RBM38: variants seen among roughly 807,000 people sequenced by gnomAD.
The protein encoded by RBM38 is RNA-binding protein 38.
Under a neutral mutation model 23.5 loss-of-function variants are expected in RBM38, and 11 were observed. The observed-to-expected ratio is 0.47, with a 90% CI of 0.29 to 0.77. The LOEUF (loss-of-function observed/expected upper bound fraction) is 0.77, where lower values mean the gene tolerates loss of function less well. Among genes scored for constraint, RBM38 ranks in the 30% least tolerant of loss-of-function variants. The pLI is 0.08. For missense variants in RBM38, 330 were observed against 351.9 expected (o/e 0.94, Z 0.50); for synonymous variants, 165 against 166.1 (o/e 0.99, Z 0.05).
At chr20:57,403,323 C>G (rs1159038702) in intron 3 of RBM38, among the ~76,000 whole-genome samples, 1 of 152,202 alleles carries the variant, frequency 6.6e-6, no homozygotes, top group African/African-American at 2.4e-5. Flanking sequence ...GGGCGAGGCG[C>G]AACCCTAGGA....
chr20:57,401,678 C>T (rs956496930), intron 3 of RBM38, among the ~76,000 whole-genome samples: 3 of 152,142 alleles, frequency 2.0e-5, no homozygotes, highest in Admixed American at 6.5e-5. Flanking sequence ...CTGGGTGGAC[C>T]CCTGAGGGGT....
chr20:57,401,832 G>C (rs1036421903), intron 3 of RBM38, among the ~76,000 whole-genome samples: 2 of 152,158 alleles, frequency 1.3e-5, no homozygotes, highest in East Asian at 3.8e-4. Flanking sequence ...AGTTAGAAGA[G>C]GTAGGTTGAG....
chr20:57,392,493 G>A, intron 1 of RBM38, 161 bp from the exon 2 acceptor site: 1 of 1,534,622 alleles, frequency 6.5e-7, no homozygotes, highest in South Asian at 1.2e-5. Flanking sequence ...AGAGCCCCAG[G>A]TAGGGTTCAG....
At chr20:57,400,172 G>C (rs553556803) in intron 3 of RBM38, among the ~76,000 whole-genome samples, 19 of 152,324 alleles carry the variant, frequency 1.2e-4, no homozygotes, top group African/African-American at 4.3e-4. Context: ...CTGAGTGATG[G>C]TCCATGCGAC....
chr20:57,392,560 G>C, intron 1 of RBM38, 94 bp from the exon 2 acceptor site: 1 of 1,517,238 alleles, frequency 6.6e-7, no homozygotes, highest in Non-Finnish European at 8.9e-7. Flanking sequence ...AGGGAAGAGA[G>C]GGGTGGCAGC....
At position 57,404,423 on chromosome 20, in the gene RBM38, ATAGCCTCCT is replaced by A. The variant is rs538455478; in HGVS notation, c.417-3119_417-3111del. On this transcript the variant is annotated intron_variant, in intron 3 of 3. Transcript: ENST00000356208. ...GAAGGTGTGTGGGTTCAAAGCTTCC[ATAGCCTCCT>A]ACTAAGGAATGTTTTCGAGGTTCTG... Among the ~76,000 whole-genome samples the A allele has an allele frequency of 2.4e-3, 366 of 152,366 alleles. 2 individuals carry two copies. The highest frequency in any genetic ancestry group is 4.1e-3 in the Non-Finnish European group (281 of 68,040).
Position 57,408,833 on chromosome 20 carries a change from A to G in RBM38, c.*987A>G, listed in dbSNP as rs2067415819. 1 of 150,964 alleles carries G rather than the reference A, an allele frequency of 6.6e-6. No individual in the cohort carries two copies. The highest frequency in any genetic ancestry group is 1.5e-5 in the Non-Finnish European group (1 of 67,588). The allele number at this position is 150,964 out of a possible 1,614,324, so 9.4% of individuals were successfully genotyped here. On this transcript the variant is annotated 3_prime_UTR_variant, in exon 4 of 4. Coordinates refer to ENST00000356208, the MANE Select transcript of RBM38 (RefSeq NM_017495.6). ...CTCCTCTCCCTTCCCTTCCTCCCCA[A>G]CTCCCCAAACACTGTGGAAGGGGAG...
chr20:57,395,747 G>T (rs982575841), intron 3 of RBM38, among the ~76,000 whole-genome samples: 5 of 152,144 alleles, frequency 3.3e-5, no homozygotes, highest in African/African-American at 1.2e-4. Flanking sequence ...CCCAGCCCCC[G>T]CCCGCTGACG....
chr20:57,392,928 C>T (rs537573446), intron 2 of RBM38, 151 bp downstream of exon 2: 8 of 1,063,922 alleles, frequency 7.5e-6, no homozygotes, highest in African/African-American at 1.6e-5. Flanking sequence ...GCCATCCCCC[C>T]CTCGAGGATC....
Position 57,408,320 on chromosome 20 carries a change from G to A in RBM38, c.*474G>A, listed in dbSNP as rs2146224925. The A allele has an allele frequency of 5.5e-6, 1 of 181,286 alleles. No homozygotes were observed. The highest frequency in any genetic ancestry group is 1.2e-4 in the South Asian group (1 of 8,124). 11.2% of individuals were successfully genotyped at this position (181,286 alleles called of 1,614,324 possible). On this transcript the variant is annotated 3_prime_UTR_variant, in exon 4 of 4. Transcript: ENST00000356208. The stretch of plus-strand genomic sequence containing the variant: ...TATTGTAACTTGATCCTCCCGAGCT[G>A]TGAGCGCAGTCTGAGGTGTGAGGAC...
chr20:57,399,206 C>T (rs1456840251), intron 3 of RBM38, among the ~76,000 whole-genome samples: 1 of 152,154 alleles, frequency 6.6e-6, no homozygotes, highest in Non-Finnish European at 1.5e-5. Context: ...ACTTTGATGA[C>T]CCAGGGAGGC....
intron 3 of RBM38, among the ~76,000 whole-genome samples, chr20:57,394,452 T>C (rs1352620716): frequency 2.6e-5 from 4 of 152,174 alleles, no homozygotes; most frequent in African/African-American, 7.2e-5. Flanking sequence ...CCGTGTGTAT[T>C]GGTGGATGTG....
intron 3 of RBM38, among the ~76,000 whole-genome samples, chr20:57,393,828 T>C (rs1173711255): frequency 2.0e-5 from 3 of 152,156 alleles, no homozygotes; most frequent in African/African-American, 4.8e-5. Flanking sequence ...GTAGATACGA[T>C]GTGTTTGGGG....
At chr20:57,394,759 T>A (rs536596673) in intron 3 of RBM38, among the ~76,000 whole-genome samples, 27 of 152,236 alleles carry the variant, frequency 1.8e-4, no homozygotes, top group Non-Finnish European at 8.8e-5. Context: ...TTCCTTGTTT[T>A]CCAGAACCTT....
intron 3 of RBM38, among the ~76,000 whole-genome samples, chr20:57,398,044 G>A (rs1307074817): frequency 1.3e-5 from 2 of 152,168 alleles, no homozygotes; most frequent in African/African-American, 2.4e-5. Context: ...GCGTGCTGAA[G>A]GCCTGCAGTC....
rs2067418202 is a variant in RBM38, at chr20:57,409,021, A to G, written c.*1175A>G. The G allele has an allele frequency of 6.6e-6, 1 of 152,482 alleles. No homozygotes were observed. Among genetic ancestry groups the G allele is most frequent in the Non-Finnish European group, 1.5e-5 (1 of 68,094 alleles). The allele number at this position is 152,482 out of a possible 1,614,324, so 9.4% of individuals were successfully genotyped here. On this transcript the variant is annotated 3_prime_UTR_variant, in exon 4 of 4. Transcript: ENST00000356208. Reference sequence around the variant, plus strand: ...ACCACCTGCTGTGTGCCAGCCTGAGACGGTTCCTGCCTGTCTTGGGGGTTG... The same window carrying G: ...ACCACCTGCTGTGTGCCAGCCTGAGGCGGTTCCTGCCTGTCTTGGGGGTTG...
At chr20:57,404,581 C>T (rs1425985606) in intron 3 of RBM38, among the ~76,000 whole-genome samples, 1 of 152,230 alleles carries the variant, frequency 6.6e-6, no homozygotes, top group Admixed American at 6.5e-5. Flanking sequence ...CCTTCTGGGG[C>T]CCCCTGCCTC....
rs2067407343 is a variant in RBM38, at chr20:57,408,121, G to A, written c.*275G>A. On this transcript the variant is annotated 3_prime_UTR_variant, in exon 4 of 4. Coordinates refer to ENST00000356208, the MANE Select transcript of RBM38 (RefSeq NM_017495.6). The stretch of plus-strand genomic sequence containing the variant: ...CCCAGGTTCCTTGCACACCATGGCA[G>A]CCTCTCCTTGCACCTTCTCCTGCCT... 1 of 517,066 alleles carries A rather than the reference G, an allele frequency of 1.9e-6. No individual in the cohort carries two copies. The highest frequency in any genetic ancestry group is 3.5e-6 in the Non-Finnish European group (1 of 284,200). 32.0% of individuals were successfully genotyped at this position (517,066 alleles called of 1,614,324 possible). A position where few individuals can be genotyped will look rare whatever the true frequency, so the allele number is the denominator to read the frequency against.
chr20:57,405,299 C>T (rs1423473218), intron 3 of RBM38, among the ~76,000 whole-genome samples: 1 of 152,184 alleles, frequency 6.6e-6, no homozygotes, highest in African/African-American at 2.4e-5. Flanking sequence ...TCTCTGCATC[C>T]TGGCAGATAT....
Sources: allele counts gnomAD v4.1 joint callset (sites outside exome capture counted in the v4.1 genomes callset), GRCh38; gene constraint gnomAD v4.1.1; transcripts MANE v1.5; gene names NCBI Gene and HGNC (gene_info 2026-07-23, HGNC 2026-07-21).